Variants in POLR3B observed in about 807,000 individuals in gnomAD.
POLR3B encodes RNA polymerase III subunit B.
In POLR3B, 96 loss-of-function variants were observed where a neutral mutation model predicts 147.4. The ratio of observed to expected loss-of-function variants is 0.65; its 90% confidence interval spans 0.55 to 0.77. The LOEUF (loss-of-function observed/expected upper bound fraction) is 0.77, where lower values mean the gene tolerates loss of function less well. POLR3B is among the 30% of genes least tolerant of loss of function. POLR3B has a pLI of 0.00. For synonymous variants in POLR3B, 461 were observed against 485.9 expected, an observed-to-expected ratio of 0.95 and a Z score of 0.67; for missense variants, 1,036 against 1,413.5, an observed-to-expected ratio of 0.73 and a Z score of 4.28.
intron 1 of POLR3B, among the ~76,000 whole-genome samples, chr12:106,360,356 A>G (rs1384575588): frequency 1.3e-5 from 2 of 151,956 alleles, no homozygotes; most frequent in Non-Finnish European, 2.9e-5. Context: ...CTCTTTTCCC[A>G]TGGTTCCCCC....
chr12:106,477,251 A>T (rs2038186286), intron 23 of POLR3B, among the ~76,000 whole-genome samples: 1 of 100,076 alleles, frequency 1.0e-5, no homozygotes, highest in African/African-American at 6.1e-5. Context: ...GCGTGCTGGG[A>T]GAACCACTGC....
intron 19 of POLR3B, 107 bp downstream of exon 19, chr12:106,444,697 C>A: frequency 1.7e-6 from 2 of 1,179,220 alleles, no homozygotes; most frequent in African/African-American, 1.5e-5. Context: ...CCCAACCAGG[C>A]ACTGGGAACA....
intron 12 of POLR3B, among the ~76,000 whole-genome samples, chr12:106,414,326 T>G (rs1275116384): frequency 6.6e-6 from 1 of 152,018 alleles, no homozygotes; most frequent in Non-Finnish European, 1.5e-5. Context: ...TTACTCAAGA[T>G]AGATTGGTTC....
chr12:106,386,606 T>G (rs2036842258), intron 9 of POLR3B, among the ~76,000 whole-genome samples: 1 of 152,010 alleles, frequency 6.6e-6, no homozygotes, highest in Non-Finnish European at 1.5e-5. Context: ...GGCCCGGTGA[T>G]GAGTTTAATA....
In POLR3B at chr12:106,503,999, G is replaced by A. The variant is rs909945805; in HGVS notation, c.3099-82G>A. 2.3e-5 allele frequency: 30 copies of A among 1,297,858 alleles called. No homozygotes were observed. The African/African-American group carries it at 2.9e-4, about 13-fold the overall frequency. The allele number at this position is 1,297,858 out of a possible 1,614,324, so 80.4% of individuals were successfully genotyped here. A position where few individuals can be genotyped will look rare whatever the true frequency, so the allele number is the denominator to read the frequency against. On this transcript the variant is annotated intron_variant, in intron 26 of 27. Transcript: ENST00000228347. ...CAGATGAGCCCTGCTCCAAAGCCTC[G>A]TGCTCTCTGCCAGCATGTGATGCTA...
chr12:106,509,660 C>G lies in POLR3B; in HGVS notation c.*111C>G, dbSNP rs562644313. 24 of 1,008,532 alleles carry G rather than the reference C, an allele frequency of 2.4e-5. No homozygotes were observed. The South Asian group carries it at 3.0e-4, about 13-fold the overall frequency. The allele number at this position is 1,008,532 out of a possible 1,614,324, so 62.5% of individuals were successfully genotyped here. A position where few individuals can be genotyped will look rare whatever the true frequency, so the allele number is the denominator to read the frequency against. The stretch of plus-strand genomic sequence containing the variant: ...TGTGAAGAATTCCCTTGCGTATTCT[C>G]TCTCTAAAACAACCAAAAAAAAATG... On this transcript the variant is annotated 3_prime_UTR_variant, in exon 28 of 28. Transcript: ENST00000228347.
intron 13 of POLR3B, among the ~76,000 whole-genome samples, chr12:106,427,722 A>G (rs1339108620): frequency 3.3e-5 from 5 of 152,190 alleles, no homozygotes; most frequent in South Asian, 2.1e-4. Context: ...AAAATAATAC[A>G]AAGTGTTTCA....
chr12:106,415,793 T>A (rs1233534195), intron 12 of POLR3B, among the ~76,000 whole-genome samples: 1 of 152,176 alleles, frequency 6.6e-6, no homozygotes, highest in Non-Finnish European at 1.5e-5. Context: ...TTTAAAAAAA[T>A]AGCATAGCAA....
At chr12:106,461,740 G>T (rs905314624) in intron 22 of POLR3B, among the ~76,000 whole-genome samples, 4 of 152,068 alleles carry the variant, frequency 2.6e-5, no homozygotes, top group Non-Finnish European at 5.9e-5. Context: ...CTCTTCCCTT[G>T]ATGTTGTGAC....
chr12:106,385,390 C>T (rs1472360141), intron 9 of POLR3B, among the ~76,000 whole-genome samples: 1 of 152,084 alleles, frequency 6.6e-6, no homozygotes, highest in East Asian at 1.9e-4. Context: ...TGAGGAGATA[C>T]TGGATGCTTC....
chr12:106,459,444 G>T, intron 22 of POLR3B, 76 bp downstream of exon 22: 2 of 835,528 alleles, frequency 2.4e-6, no homozygotes, highest in East Asian at 2.4e-5. Flanking sequence ...TCGAAGTTAG[G>T]TCTTGGCGTG....
intron 23 of POLR3B, among the ~76,000 whole-genome samples, chr12:106,475,342 G>T (rs1477212919): frequency 9.7e-6 from 1 of 102,972 alleles, no homozygotes; most frequent in Non-Finnish European, 1.9e-5. Flanking sequence ...TGTATATTCT[G>T]TTGATTTGGG....
intron 15 of POLR3B, 121 bp from the exon 16 acceptor site, chr12:106,433,598 T>C (rs1035423106): frequency 4.8e-5 from 36 of 751,498 alleles, no homozygotes; most frequent in Non-Finnish European, 6.2e-5. Flanking sequence ...GCTGCAGGTG[T>C]TAATAATGGT....
chr12:106,474,178 C>T (rs1243408228), intron 23 of POLR3B, among the ~76,000 whole-genome samples: 2 of 125,344 alleles, frequency 1.6e-5, no homozygotes, highest in Non-Finnish European at 3.3e-5. Context: ...TATTGATTTG[C>T]GTATATTGAA....
At chr12:106,445,735 A>G (rs2037713858) in intron 19 of POLR3B, among the ~76,000 whole-genome samples, 1 of 152,178 alleles carries the variant, frequency 6.6e-6, no homozygotes, top group South Asian at 2.1e-4. Flanking sequence ...AGTATGATAC[A>G]AGGAGCTTCA....
intron 18 of POLR3B, among the ~76,000 whole-genome samples, chr12:106,441,262 T>C (rs2037647667): frequency 6.6e-6 from 1 of 152,192 alleles, no homozygotes; most frequent in South Asian, 2.1e-4. Context: ...CAGTCTTATG[T>C]CACTTAATGA....
intron 27 of POLR3B, among the ~76,000 whole-genome samples, chr12:106,505,596 A>C (rs1270517701): frequency 6.6e-6 from 1 of 152,046 alleles, no homozygotes; most frequent in Non-Finnish European, 1.5e-5. Flanking sequence ...TTCTTTACTT[A>C]CTTTTCAAGC....
chr12:106,509,177 A>G (rs181768700), intron 27 of POLR3B, among the ~76,000 whole-genome samples: 35 of 152,292 alleles, frequency 2.3e-4, no homozygotes, highest in African/African-American at 7.7e-4. Flanking sequence ...CAACTGACTC[A>G]ACTTGCATGC....
At chr12:106,369,448 G>A (rs1225612841) in intron 5 of POLR3B, 98 bp downstream of exon 5, 2 of 954,944 alleles carry the variant, frequency 2.1e-6, no homozygotes, top group South Asian at 1.3e-5. Flanking sequence ...TGGGATGGGG[G>A]GGGACATTCT....
Sources: allele counts gnomAD v4.1 joint callset (sites outside exome capture counted in the v4.1 genomes callset), GRCh38; gene constraint gnomAD v4.1.1; transcripts MANE v1.5; gene names NCBI Gene and HGNC (gene_info 2026-07-23, HGNC 2026-07-21).